The following PDE12 variants were observed in gnomAD, a reference collection of about 807,000 sequenced individuals.
PDE12 encodes the protein 2',5'-phosphodiesterase 12.
Under a neutral mutation model 45.4 loss-of-function variants are expected in PDE12, and 26 were observed. The ratio of observed to expected loss-of-function variants is 0.57; its 90% CI spans 0.42 to 0.79. PDE12 has a LOEUF of 0.79. Ranked by LOEUF, PDE12 falls within the 30% of genes least tolerant of loss-of-function variation. The probability of loss-of-function intolerance (pLI) is 0.00; values close to 1 mark genes in which losing one functional copy is unlikely to be tolerated. For synonymous variants in PDE12, 283 were observed against 323.9 expected (o/e 0.87, Z 1.36); for missense variants, 668 against 790.0 (o/e 0.85, Z 1.85).
At chr3:57,583,728 G>A in the PDE12 span, among the ~76,000 whole-genome samples, 131 of 152,174 alleles carry the variant, frequency 8.6e-4, 5 homozygotes, top group East Asian at 0.023. Context: ...CCCTATATAA[G>A]TTAGCCTTCA....
the PDE12 span, among the ~76,000 whole-genome samples, chr3:57,623,372 G>A: frequency 1.3e-5 from 2 of 151,978 alleles, no homozygotes; most frequent in South Asian, 4.1e-4. Flanking sequence ...GTTTCCTACT[G>A]AAGTATAAAA....
Position 57,560,251 on chromosome 3 carries a change from ATTAT to A in PDE12, c.*250_*253del, listed in dbSNP as rs778201357. The A allele has an allele frequency of 1.7e-4, 207 of 1,231,758 alleles. No individual in the cohort carries two copies. The highest frequency in any genetic ancestry group is 2.0e-4 in the Non-Finnish European group (202 of 985,728). 76.3% of individuals were successfully genotyped at this position (1,231,758 alleles called of 1,614,324 possible). A position where few individuals can be genotyped will look rare whatever the true frequency, so the allele number is the denominator to read the frequency against. On this transcript the variant is annotated 3_prime_UTR_variant, in exon 3 of 3. Coordinates refer to ENST00000311180, the MANE Select transcript of PDE12 (RefSeq NM_177966.7). ...TCTTACTAGCAAAATAGAAAATTGA[ATTAT>A]TTTTCTCCAAATTGAGACTCTCAGA... is the stretch of plus-strand genomic sequence containing the variant.
chr3:57,599,477 C>T, the PDE12 span, among the ~76,000 whole-genome samples: 1 of 152,214 alleles, frequency 6.6e-6, no homozygotes, highest in Non-Finnish European at 1.5e-5. Flanking sequence ...TCAACTAATT[C>T]TTAGGGTCTT....
the PDE12 span, chr3:57,641,630 A>G: frequency 2.5e-6 from 4 of 1,592,932 alleles, no homozygotes; most frequent in Non-Finnish European, 3.4e-6. Context: ...CACTAGAAAC[A>G]GAACACCAAG....
At chr3:57,613,553 A>G in the PDE12 span, among the ~76,000 whole-genome samples, 1 of 151,590 alleles carries the variant, frequency 6.6e-6, no homozygotes, top group East Asian at 2.0e-4. Context: ...CAGCCTCCCA[A>G]AGTGCTGGGA....
At chr3:57,647,917 C>T in the PDE12 span, among the ~76,000 whole-genome samples, 1 of 151,942 alleles carries the variant, frequency 6.6e-6, no homozygotes, top group East Asian at 1.9e-4. Context: ...GGAGGGTATC[C>T]ATGCAGAAGG....
At chr3:57,630,421 C>T in the PDE12 span, 1 of 1,579,468 alleles carries the variant, frequency 6.3e-7, no homozygotes, top group Non-Finnish European at 8.5e-7. Flanking sequence ...GTTTTCGAAC[C>T]TCTTCACAAA....
rs575794735 is a variant in PDE12, at chr3:57,560,076, G to A, written c.*72G>A. ...AGCAGAAAATTTAATATGAATCAAAGCTTATATGTAAACTTCAAGGAGGAA... is the reference window on the plus strand; with the variant it reads ...AGCAGAAAATTTAATATGAATCAAAACTTATATGTAAACTTCAAGGAGGAA... On this transcript the variant is annotated 3_prime_UTR_variant, in exon 3 of 3. Transcript: ENST00000311180. 39 of 1,515,360 alleles carry A rather than the reference G, an allele frequency of 2.6e-5. No individual in the cohort carries two copies. In the African/African-American group the frequency reaches 5.1e-4, roughly 20 times the overall value. The allele number at this position is 1,515,360 out of a possible 1,614,324, so 93.9% of individuals were successfully genotyped here.
Position 57,559,830 on chromosome 3 carries a change from T to A in PDE12, c.1656T>A (p.Tyr552Ter). Residue 552 changes from tyrosine to a stop codon, truncating the protein, a stop_gained, in exon 3 of 3, where the codon TAT becomes TAA. Transcript: ENST00000311180. LOFTEE classifies it high-confidence loss of function. Reference sequence around the variant, plus strand: ...GTGGTGAACCTGCTTACACAAATTATGTTGGTGGCTTTCATGGATGTCTAG... The same window carrying A: ...GTGGTGAACCTGCTTACACAAATTAAGTTGGTGGCTTTCATGGATGTCTAG... ...SACGEPAYTN[Y>*]VGGFHGCLDY... 1 of 1,614,224 alleles carries A rather than the reference T, an allele frequency of 6.2e-7. No individual in the cohort carries two copies. Among genetic ancestry groups the A allele is most frequent in the Non-Finnish European group, 8.5e-7 (1 of 1,180,036 alleles).
the PDE12 span, among the ~76,000 whole-genome samples, chr3:57,587,280 T>C: frequency 1.9e-3 from 281 of 144,808 alleles, 12 homozygotes; most frequent in East Asian, 0.046. Flanking sequence ...GATCGTGCCA[T>C]TGCACTACAG....
At chr3:57,573,942 TG>T in the PDE12 span, among the ~76,000 whole-genome samples, 417 of 150,552 alleles carry the variant, frequency 2.8e-3, 1 homozygote, top group Non-Finnish European at 4.6e-3. Flanking sequence ...TGTTTTTTTT[TG>T]TTTGTTTGTT....
chr3:57,613,295 A>T, the PDE12 span, among the ~76,000 whole-genome samples: 3 of 142,108 alleles, frequency 2.1e-5, no homozygotes, highest in Non-Finnish European at 4.6e-5. Flanking sequence ...AAAAAAAAAC[A>T]ACTTTTTTTT....
At chr3:57,649,380 A>C in the PDE12 span, among the ~76,000 whole-genome samples, 1 of 152,156 alleles carries the variant, frequency 6.6e-6, no homozygotes, top group Non-Finnish European at 1.5e-5. Context: ...ATGTGGTGAA[A>C]AGGGAATACT....
chr3:57,624,419 G>C, the PDE12 span, among the ~76,000 whole-genome samples: 1 of 151,930 alleles, frequency 6.6e-6, no homozygotes, highest in Non-Finnish European at 1.5e-5. Flanking sequence ...CAAAGTGCTG[G>C]GATTACAGGC....
At chr3:57,578,724 C>A in the PDE12 span, among the ~76,000 whole-genome samples, 6 of 152,048 alleles carry the variant, frequency 3.9e-5, no homozygotes, top group Admixed American at 6.6e-5. Flanking sequence ...AGTGATCCAC[C>A]CATCTTGGCC....
Position 57,561,976 on chromosome 3 carries a change from C to G in PDE12, c.*1972C>G. 2 of 984,378 alleles carry G rather than the reference C, an allele frequency of 2.0e-6. No individual in the cohort carries two copies. Among genetic ancestry groups the G allele is most frequent in the Non-Finnish European group, 2.4e-6 (2 of 829,028 alleles). 61.0% of individuals were successfully genotyped at this position (984,378 alleles called of 1,614,324 possible). ...TACCAAATTGTGCCTTCCTAAATAA[C>G]ATTTTTGAGAGCATTTTAACAGCAG... is the stretch of plus-strand genomic sequence containing the variant. On this transcript the variant is annotated 3_prime_UTR_variant, in exon 3 of 3. Transcript: ENST00000311180.
chr3:57,616,562 A>C, the PDE12 span, among the ~76,000 whole-genome samples: 4 of 152,210 alleles, frequency 2.6e-5, no homozygotes, highest in African/African-American at 9.6e-5. Context: ...ATCTATTTTA[A>C]AAGTTAAAAA....
Position 57,556,980 on chromosome 3 carries a change from G to A in PDE12, c.601G>A (p.Ala201Thr), listed in dbSNP as rs770364299. 8.9e-5 allele frequency: 143 copies of A among 1,614,058 alleles called. No homozygotes were observed. The highest frequency in any genetic ancestry group is 1.1e-4 in the Non-Finnish European group (131 of 1,180,042). ...ASSLFRWYKE[A>T]KPGAAEPEVG... ...CTCCCTTTTCCGCTGGTATAAGGAA[G>A]CCAAGCCCGGAGCGGCGGAGCCCGA... Residue 201 changes from alanine (A) to threonine (T), a missense_variant, in exon 1 of 3, where the codon GCC (alanine) becomes ACC (threonine). Physicochemically the swap from Ala to Thr is moderately conservative, Grantham distance 58. Coordinates refer to ENST00000311180, the MANE Select transcript of PDE12 (RefSeq NM_177966.7). This position sits in a 1 kb window ranked among gnomAD's most constrained non-coding sequence, Gnocchi z 5.0.
downstream of PDE12, among the ~76,000 whole-genome samples, chr3:57,571,207 A>C (rs563993556): frequency 6.6e-6 from 1 of 152,080 alleles, no homozygotes; most frequent in Non-Finnish European, 1.5e-5. Flanking sequence ...ATGCTGTTAT[A>C]CACATGAAAA....
Sources: allele counts gnomAD v4.1 joint callset (sites outside exome capture counted in the v4.1 genomes callset), GRCh38; gene constraint gnomAD v4.1.1; non-coding constraint Gnocchi (gnomAD v3.1); transcripts MANE v1.5; gene names NCBI Gene and HGNC (gene_info 2026-07-23, HGNC 2026-07-21).